Variants in THSD7B observed in about 807,000 individuals in gnomAD.
THSD7B encodes the protein thrombospondin type-1 domain-containing protein 7B.
In THSD7B, 138 loss-of-function variants were observed where a neutral mutation model predicts 213.6. That is an observed-to-expected ratio of 0.65 (90% CI 0.56 to 0.74). The LOEUF (loss-of-function observed/expected upper bound fraction) is 0.74. Ranked by LOEUF, THSD7B falls within the 30% of genes least tolerant of loss-of-function variation. The pLI, the probability that THSD7B is intolerant of heterozygous loss-of-function variation, is 0.00. For missense variants in THSD7B, 1,931 were observed against 1,991.5 expected, an observed-to-expected ratio of 0.97 and a Z score of 0.58; for synonymous variants, 742 against 687.0, an observed-to-expected ratio of 1.08 and a Z score of -1.25.
chr2:136,780,316 C>T (rs1370578089), intron 1 of THSD7B, among the ~76,000 whole-genome samples: 1 of 152,104 alleles, frequency 6.6e-6, no homozygotes. Context: ...AGCCCTTTTA[C>T]AGCAGCATCC....
chr2:136,873,071 T>C (rs1411137439), intron 1 of THSD7B, among the ~76,000 whole-genome samples: 1 of 148,092 alleles, frequency 6.8e-6, no homozygotes, highest in African/African-American at 2.5e-5. Context: ...ATAGCAATGT[T>C]TGTCACAGAT....
At chr2:136,874,230 G>GGTT (rs1207028944) in intron 1 of THSD7B, among the ~76,000 whole-genome samples, 1 of 152,200 alleles carries the variant, frequency 6.6e-6, no homozygotes. Context: ...TGGGACTTCA[G>GGTT]GTTGTTGCTT....
chr2:137,367,017 G>T lies in THSD7B; in HGVS notation c.2501-38596G>T, dbSNP rs192992318. ...GATATTACATCTTCAAGGTTAATAT[G>T]TACTCGTTTCAGACTTCATTCACCT... On this transcript the variant is annotated intron_variant, in intron 12 of 27. Coordinates refer to ENST00000409968, the MANE Select transcript of THSD7B (RefSeq NM_001316349.2). Among the ~76,000 whole-genome samples, 1,399 of 151,844 alleles carry T rather than the reference G, an allele frequency of 9.2e-3. 10 individuals carry two copies. The highest frequency in any genetic ancestry group is 0.016 in the Non-Finnish European group (1,082 of 67,944).
At chr2:137,492,936 A>G (rs1385059978) in intron 15 of THSD7B, among the ~76,000 whole-genome samples, 1 of 151,704 alleles carries the variant, frequency 6.6e-6, no homozygotes. Context: ...CCTGGCCAAC[A>G]TGGTGAAACC....
chr2:137,538,581 T>C, intron 15 of THSD7B: 1 of 488,690 alleles, frequency 2.0e-6, no homozygotes, highest in Non-Finnish European at 4.0e-6. Flanking sequence ...CAGCTTTTTT[T>C]CTCTTTGTAA....
At chr2:136,944,492 TC>T (rs914099787) in intron 2 of THSD7B, among the ~76,000 whole-genome samples, 1 of 152,168 alleles carries the variant, frequency 6.6e-6, no homozygotes, top group Non-Finnish European at 1.5e-5. Flanking sequence ...TGTTAAAGTC[TC>T]CCATTATTAC....
chr2:136,766,098 G>T (rs1160023894), intron 1 of THSD7B, among the ~76,000 whole-genome samples: 2 of 152,240 alleles, frequency 1.3e-5, no homozygotes, highest in Non-Finnish European at 2.9e-5. Context: ...CCTGCGCGGA[G>T]AGCCTCGGCG....
At chr2:137,373,582 T>G (rs1419074207) in intron 12 of THSD7B, among the ~76,000 whole-genome samples, 1 of 152,248 alleles carries the variant, frequency 6.6e-6, no homozygotes, top group Non-Finnish European at 1.5e-5. Flanking sequence ...GAGTTCATTG[T>G]AGATTCTGGA....
intron 2 of THSD7B, among the ~76,000 whole-genome samples, chr2:136,915,326 A>G (rs570563542): frequency 6.6e-6 from 1 of 152,386 alleles, no homozygotes; most frequent in Admixed American, 6.5e-5. Flanking sequence ...AGATGGAGAC[A>G]GGACTTTATC....
At chr2:137,142,190 G>A (rs1349376804) in intron 5 of THSD7B, among the ~76,000 whole-genome samples, 1 of 152,086 alleles carries the variant, frequency 6.6e-6, no homozygotes, top group Non-Finnish European at 1.5e-5. Context: ...CACATTTCTG[G>A]AGACTGCTCA....
intron 5 of THSD7B, among the ~76,000 whole-genome samples, chr2:137,158,352 T>A (rs57234407): frequency 0.016 from 2,495 of 152,288 alleles, 28 homozygotes; most frequent in African/African-American, 0.032. Context: ...AATCTTTGTT[T>A]GATTGCCACC....
At chr2:136,960,897 G>A (rs1451569137) in intron 2 of THSD7B, among the ~76,000 whole-genome samples, 3 of 151,698 alleles carry the variant, frequency 2.0e-5, no homozygotes, top group Non-Finnish European at 2.9e-5. Flanking sequence ...AGACCATCCT[G>A]GCTAATACGG....
intron 17 of THSD7B, among the ~76,000 whole-genome samples, chr2:137,613,657 C>G (rs2104835458): frequency 6.6e-6 from 1 of 152,276 alleles, no homozygotes; most frequent in Admixed American, 6.5e-5. Context: ...ATTCACACAT[C>G]ATTTTCCCAC....
chr2:137,231,356 C>A, intron 8 of THSD7B, 121 bp downstream of exon 8: 2 of 980,152 alleles, frequency 2.0e-6, no homozygotes, highest in South Asian at 3.7e-5. Flanking sequence ...ATCTCTATTC[C>A]CTGAATCCAG....
chr2:136,848,096 G>A (rs761318123), intron 1 of THSD7B, among the ~76,000 whole-genome samples: 2 of 152,192 alleles, frequency 1.3e-5, no homozygotes, highest in Non-Finnish European at 2.9e-5. Context: ...CATCAAAGAT[G>A]TAAGAGATCT....
At chr2:136,888,610 A>G (rs1057109838) in intron 2 of THSD7B, among the ~76,000 whole-genome samples, 3 of 152,130 alleles carry the variant, frequency 2.0e-5, no homozygotes, top group Non-Finnish European at 4.4e-5. Flanking sequence ...AAGAGGCATG[A>G]GTGTTAAATC....
intron 4 of THSD7B, among the ~76,000 whole-genome samples, chr2:137,096,780 T>C (rs560245391): frequency 3.3e-5 from 5 of 152,324 alleles, no homozygotes; most frequent in Admixed American, 6.5e-5. Context: ...GAACAAGCTA[T>C]ACAACTTTTC....
intron 2 of THSD7B, among the ~76,000 whole-genome samples, chr2:137,044,586 C>T (rs181125415): frequency 1.3e-5 from 2 of 151,970 alleles, no homozygotes; most frequent in African/African-American, 4.8e-5. Context: ...ATATACATAC[C>T]TATGATAAAG....
chr2:136,948,280 A>G (rs1438213738), intron 2 of THSD7B, among the ~76,000 whole-genome samples: 10 of 152,128 alleles, frequency 6.6e-5, no homozygotes, highest in Admixed American at 6.5e-4. Flanking sequence ...CTCATTGTCT[A>G]TGGAAAAATT....
Sources: gnomAD v4.1 joint callset for allele counts (sites outside exome capture counted in the v4.1 genomes callset) on GRCh38, gnomAD v4.1.1 for gene constraint, MANE v1.5 for transcripts, NCBI Gene and HGNC (gene_info 2026-07-23, HGNC 2026-07-21) for gene names.